Variants in MYO7A observed in about 807,000 individuals in gnomAD.
MYO7A encodes the protein myosin VIIA.
A neutral mutation model predicts 263.8 loss-of-function variants in MYO7A; 210 were observed. The observed-to-expected ratio is 0.80, with a 90% CI of 0.71 to 0.89. The LOEUF is 0.89. Among genes scored for constraint, MYO7A ranks in the 40% least tolerant of loss-of-function variants. The pLI, the probability that MYO7A is intolerant of heterozygous loss-of-function variation, is 0.00. For synonymous variants in MYO7A, 1,239 were observed against 1,197.3 expected (o/e 1.03, Z -0.72); for missense variants, 2,820 against 2,968.3 (o/e 0.95, Z 1.16).
chr11:77,185,939 T>A (rs1955614343), intron 27 of MYO7A, among the ~76,000 whole-genome samples: 1 of 151,208 alleles, frequency 6.6e-6, no homozygotes, highest in Non-Finnish European at 1.5e-5. Flanking sequence ...TTTTTTTTTT[T>A]GGAGACAGAG....
In MYO7A at chr11:77,199,678, C is replaced by A; in HGVS notation, c.4712C>A (p.Thr1571Lys). 1 of 1,613,360 alleles carries A rather than the reference C, an allele frequency of 6.2e-7. No homozygotes were observed. Among genetic ancestry groups the A allele is most frequent in the Non-Finnish European group, 8.5e-7 (1 of 1,179,804 alleles). Residue 1571 changes from threonine to lysine, a missense_variant, in exon 35 of 49, where the codon ACG becomes AAG. Transcript: ENST00000409709. ...RGAKTTAPSF[T>K]LATIKGDEYT... Reference sequence around the variant, plus strand: ...GCGAAAACGACGGCCCCCAGCTTCACGCTGGCCACCATCAAGGGGGACGAA... The same window carrying A: ...GCGAAAACGACGGCCCCCAGCTTCAAGCTGGCCACCATCAAGGGGGACGAA...
intron 2 of MYO7A, chr11:77,139,293 C>G (rs747523202): frequency 6.6e-6 from 1 of 152,352 alleles, no homozygotes; most frequent in East Asian, 1.9e-4. Context: ...TTGGAGTACC[C>G]CTGAGAACAT....
At chr11:77,134,440 T>A (rs1299334430) in intron 2 of MYO7A, among the ~76,000 whole-genome samples, 1 of 152,182 alleles carries the variant, frequency 6.6e-6, no homozygotes, top group African/African-American at 2.4e-5. Context: ...AAGAAAGTAG[T>A]TACAGACCAA....
At chr11:77,184,898 G>T (rs575400686) in intron 27 of MYO7A, 183 bp downstream of exon 27, 1 of 1,048,566 alleles carries the variant, frequency 9.5e-7, no homozygotes, top group Admixed American at 2.0e-5. Context: ...TTCCTTGTCT[G>T]TAAAGGGGGA....
Position 77,192,033 on chromosome 11 carries a change from T to TC in MYO7A, c.3925-14dup. The TC allele has an allele frequency of 6.2e-7, 1 of 1,605,336 alleles. No homozygotes were observed. The highest frequency in any genetic ancestry group is 8.5e-7 in the Non-Finnish European group (1 of 1,174,920). ...TTCCCTGACTCTGTGCCTGCTCCCCTCCCCTCTGTGCCCACAGGTGTCCTC... is the reference window on the plus strand; with the variant it reads ...TTCCCTGACTCTGTGCCTGCTCCCCTCCCCCTCTGTGCCCACAGGTGTCCTC... On this transcript the variant is annotated splice_polypyrimidine_tract_variant and intron_variant, in intron 30 of 48. Coordinates refer to ENST00000409709, the MANE Select transcript of MYO7A (RefSeq NM_000260.4).
At position 77,180,421 on chromosome 11, in the gene MYO7A, G is replaced by A; in HGVS notation, c.2634G>A (p.Glu878=). 1 of 1,612,272 alleles carries A rather than the reference G, an allele frequency of 6.2e-7. No individual in the cohort carries two copies. Among genetic ancestry groups the A allele is most frequent in the Non-Finnish European group, 8.5e-7 (1 of 1,179,734 alleles). Residue 878 remains glutamate, a synonymous_variant, in exon 22 of 49, where the codon GAG becomes GAA. Coordinates refer to ENST00000409709, the MANE Select transcript of MYO7A (RefSeq NM_000260.4). ...AGAAAATGCGGCTGGCGGAGGAAGA[G>A]AAGCTTCGGAAGGAGATGAGCGCCA... ...EAEKMRLAEE[E]KLRKEMSAKK...
intron 39 of MYO7A, among the ~76,000 whole-genome samples, chr11:77,205,063 G>C (rs535294621): frequency 6.6e-6 from 1 of 152,322 alleles, no homozygotes; most frequent in South Asian, 2.1e-4. Context: ...AAGTAGAGGT[G>C]AATTAAAGAG....
chr11:77,208,346 C>A, intron 42 of MYO7A, 84 bp from the exon 43 acceptor site: 1 of 1,050,194 alleles, frequency 9.5e-7, no homozygotes, highest in Admixed American at 2.0e-5. Flanking sequence ...TGAGAAGGAG[C>A]AGCTGCCAGA....
intron 15 of MYO7A, among the ~76,000 whole-genome samples, chr11:77,168,229 G>A (rs1179601843): frequency 2.6e-5 from 4 of 152,076 alleles, no homozygotes; most frequent in South Asian, 2.1e-4. Context: ...TTTCCTGCTC[G>A]AGTTTCCTAC....
At chr11:77,171,548 C>T (rs782774023) in intron 15 of MYO7A, among the ~76,000 whole-genome samples, 16 of 152,194 alleles carry the variant, frequency 1.1e-4, no homozygotes, top group Non-Finnish European at 2.1e-4. Context: ...TCATCACAGT[C>T]TGGTGGCATA....
chr11:77,153,222 C>T (rs572563543), intron 4 of MYO7A, among the ~76,000 whole-genome samples: 36 of 152,016 alleles, frequency 2.4e-4, no homozygotes, highest in Non-Finnish European at 4.0e-4. Context: ...GCCAGGGAGG[C>T]GGCATGCAGA....
At chr11:77,151,250 G>A (rs1478007053) in intron 4 of MYO7A, among the ~76,000 whole-genome samples, 3 of 152,240 alleles carry the variant, frequency 2.0e-5, no homozygotes, top group East Asian at 1.9e-4. Context: ...GCTCCCTAAC[G>A]CTGAGCAGAG....
At chr11:77,193,127 A>AGTGAT in intron 31 of MYO7A, among the ~76,000 whole-genome samples, 2 of 74,020 alleles carry the variant, frequency 2.7e-5, no homozygotes, top group East Asian at 6.8e-4. Flanking sequence ...TGGTGGAGGT[A>AGTGAT]GCGATGCTGT....
intron 18 of MYO7A, among the ~76,000 whole-genome samples, chr11:77,176,677 C>A (rs749936386): frequency 6.6e-6 from 1 of 152,210 alleles, no homozygotes; most frequent in Non-Finnish European, 1.5e-5. Flanking sequence ...GCCAAACATG[C>A]TCATTCATCC....
intron 34 of MYO7A, 70 bp downstream of exon 34, chr11:77,198,691 C>A: frequency 6.3e-7 from 1 of 1,597,854 alleles, no homozygotes; most frequent in South Asian, 1.1e-5. Context: ...CCCTGCGGGT[C>A]ACAGGAAGTG....
rs1449900949 is a variant in MYO7A, at chr11:77,176,315, T to C, written c.2187+851T>C. 2.0e-5 allele frequency among the ~76,000 whole-genome samples: 3 copies of C among 152,218 alleles called. No homozygotes were observed. In the East Asian group the frequency reaches 5.8e-4, roughly 29 times the overall value. The stretch of plus-strand genomic sequence containing the variant: ...CCTCATCAGCAAGATGTGATGAATG[T>C]TCCCTGCCTGTGCCTCCCACAGCTG... On this transcript the variant is annotated intron_variant, in intron 18 of 48. Transcript: ENST00000409709.
Position 77,182,612 on chromosome 11 carries a change from G to T in MYO7A, c.3285+12G>T. The T allele has an allele frequency of 6.2e-7, 1 of 1,612,642 alleles. No homozygotes were observed. Among genetic ancestry groups the T allele is most frequent in the African/African-American group, 1.3e-5 (1 of 75,046 alleles). Reference sequence around the variant, plus strand: ...AGGGCGAGGGCGAGGTGAGGCCAAGGTGCCCTCTGGATGATGTCCCTCCCA... The same window carrying T: ...AGGGCGAGGGCGAGGTGAGGCCAAGTTGCCCTCTGGATGATGTCCCTCCCA... On this transcript the variant is annotated intron_variant, in intron 25 of 48. Coordinates refer to ENST00000409709, the MANE Select transcript of MYO7A (RefSeq NM_000260.4).
chr11:77,157,543 C>G (rs1157677680), intron 8 of MYO7A, among the ~76,000 whole-genome samples, 151 bp downstream of exon 8: 1 of 152,182 alleles, frequency 6.6e-6, no homozygotes, highest in Non-Finnish European at 1.5e-5. Flanking sequence ...GAGAAGTGGG[C>G]TCCTGGCCAT....
At chr11:77,207,194 G>T in intron 41 of MYO7A, 95 bp from the exon 42 acceptor site, 1 of 785,158 alleles carries the variant, frequency 1.3e-6, no homozygotes, top group South Asian at 1.8e-5. Context: ...TGGCACGGGA[G>T]GGGGCTCAGT....
Sources: gnomAD v4.1 joint callset for allele counts (sites outside exome capture counted in the v4.1 genomes callset) on GRCh38, gnomAD v4.1.1 for gene constraint, MANE v1.5 for transcripts, NCBI Gene and HGNC (gene_info 2026-07-23, HGNC 2026-07-21) for gene names.